LRRC47: variants seen among roughly 807,000 people sequenced by gnomAD.
LRRC47 encodes leucine rich repeat containing 47, also known as leucine-rich repeat-containing protein 47.
A neutral mutation model predicts 40.9 loss-of-function variants in LRRC47; 31 were observed. That is an observed-to-expected ratio of 0.76 (90% confidence interval 0.57 to 1.02). The LOEUF (loss-of-function observed/expected upper bound fraction) is 1.02. LRRC47 is among the 50% of genes least tolerant of loss of function. The pLI is 0.00. For synonymous variants in LRRC47, 427 were observed against 371.9 expected, an observed-to-expected ratio of 1.15 and a Z score of -1.70; for missense variants, 726 against 796.1, an observed-to-expected ratio of 0.91 and a Z score of 1.06.
intron 4 of LRRC47, chr1:3,783,073 C>A: frequency 3.5e-6 from 1 of 286,486 alleles, no homozygotes; most frequent in South Asian, 9.8e-5. Flanking sequence ...GATTAGCCAC[C>A]TCACTCCAGC....
chr1:3,795,542 AC>A (rs1643665316), intron 1 of LRRC47, among the ~76,000 whole-genome samples: 1 of 152,258 alleles, frequency 6.6e-6, no homozygotes, highest in Non-Finnish European at 1.5e-5. Flanking sequence ...ACAGGTCTCT[AC>A]GCTCGATCTA....
At chr1:3,785,359 TCCAAC>T (rs1354540594) in intron 2 of LRRC47, 156 bp from the exon 3 acceptor site, 2 of 396,228 alleles carry the variant, frequency 5.0e-6, no homozygotes, top group Non-Finnish European at 8.9e-6. Flanking sequence ...AGGGCTCCCC[TCCAAC>T]TCCTCTCCAC....
chr1:3,787,616 C>T (rs1643588689), intron 1 of LRRC47, among the ~76,000 whole-genome samples: 1 of 152,230 alleles, frequency 6.6e-6, no homozygotes, highest in Non-Finnish European at 1.5e-5. Flanking sequence ...AGCAGCCCTG[C>T]AGCTCAATCA....
At chr1:3,786,191 A>G (rs1643570629) in intron 2 of LRRC47, among the ~76,000 whole-genome samples, 1 of 152,182 alleles carries the variant, frequency 6.6e-6, no homozygotes, top group African/African-American at 2.4e-5. Context: ...TTCAACTGCA[A>G]TAAAGCTATC....
chr1:3,795,143 A>G (rs1643662118), intron 1 of LRRC47, among the ~76,000 whole-genome samples: 1 of 152,070 alleles, frequency 6.6e-6, no homozygotes, highest in Admixed American at 6.6e-5. Context: ...GGATGAAACC[A>G]AAAGAGAAGA....
At chr1:3,790,857 T>C (rs1330908901) in intron 1 of LRRC47, among the ~76,000 whole-genome samples, 1 of 149,550 alleles carries the variant, frequency 6.7e-6, no homozygotes, top group Non-Finnish European at 1.5e-5. Flanking sequence ...CCATTTGCAG[T>C]CTCGCCCCTC....
In LRRC47 at chr1:3,787,174, G is replaced by A. The variant is rs1364507411; in HGVS notation, c.752C>T (p.Thr251Ile). ...RLEKMVSGCQ[T>I]RSILEYLRVG... ...GCGCAGGTACTCCAGGATGGATCTG[G>A]TCTGGCAGCCGCTGACCATCTTCTC... Residue 251 changes from threonine to isoleucine, a missense_variant, in exon 2 of 7, where the codon ACC becomes ATC. Physicochemically the swap from Thr to Ile is moderately conservative, Grantham distance 89 (BLOSUM62 -1). Transcript: ENST00000378251. 4.3e-6 allele frequency: 7 copies of A among 1,613,850 alleles called. No homozygotes were observed. The highest frequency in any genetic ancestry group is 5.9e-6 in the Non-Finnish European group (7 of 1,180,040).
intron 2 of LRRC47, among the ~76,000 whole-genome samples, chr1:3,786,361 A>C (rs537336263): frequency 3.3e-5 from 5 of 152,122 alleles, no homozygotes; most frequent in Non-Finnish European, 7.3e-5. Context: ...TTAGCCAGAC[A>C]TGATGGTGAG....
rs1643534853 is a variant in LRRC47 at position 3,782,909 on chromosome 1, C to G, written c.1311-146G>C. Reference sequence around the variant, plus strand: ...CAGGAGTTGGCTGGGGTGTGCTGTGCCAATGGAGTGTCTACGCTAAGTCTG... The same window carrying G: ...CAGGAGTTGGCTGGGGTGTGCTGTGGCAATGGAGTGTCTACGCTAAGTCTG... On this transcript the variant is annotated intron_variant, in intron 4 of 6. Coordinates refer to ENST00000378251, the MANE Select transcript of LRRC47 (RefSeq NM_020710.3). The G allele has an allele frequency of 6.3e-6, 4 of 639,088 alleles. No individual in the cohort carries two copies. The East Asian group carries it at 1.1e-4, about 17-fold the overall frequency. The allele number at this position is 639,088 out of a possible 1,614,324, so 39.6% of individuals were successfully genotyped here.
chr1:3,796,003 G>A lies in LRRC47; in HGVS notation c.474C>T (p.Leu158=). ...AGTCTAGGCAATTGCCGGTGAGGTT[G>A]AGGCTCTGCAGGCGCGGGGCGCAGC... ...LARCAPRLQS[L]NLTGNCLDSF... The change falls in exon 1 of 7, where the codon CTC becomes CTT. Residue 158 remains leucine, a synonymous_variant. Coordinates refer to ENST00000378251, the MANE Select transcript of LRRC47 (RefSeq NM_020710.3). 6.4e-7 allele frequency: 1 copy of A among 1,563,608 alleles called. No individual in the cohort carries two copies.
chr1:3,784,533 G>C (rs1186450748), intron 3 of LRRC47, among the ~76,000 whole-genome samples: 1 of 151,546 alleles, frequency 6.6e-6, no homozygotes, highest in Non-Finnish European at 1.5e-5. Context: ...TCGGGACAGA[G>C]ACCAAAATTT....
At chr1:3,795,147 G>A (rs1643662146) in intron 1 of LRRC47, among the ~76,000 whole-genome samples, 1 of 151,290 alleles carries the variant, frequency 6.6e-6, no homozygotes, top group African/African-American at 2.4e-5. Flanking sequence ...GAAACCAAAA[G>A]AGAAGATGGA....
rs762574800 is a variant in LRRC47 at position 3,796,035 on chromosome 1, G to C, written c.442C>G (p.Leu148Val). ...TGCAGGCGCGGGGCGCAGCGCGCCA[G>C]GTCGGCTGGCAGCTCGCGCAGCCGG... is the stretch of plus-strand genomic sequence containing the variant. ...GNRLRELPAD[L>V]ARCAPRLQSL... The change falls in exon 1 of 7, where the codon CTG becomes GTG. Residue 148 changes from leucine (L) to valine (V), a missense_variant. Leu to Val is a conservative substitution (Grantham distance 32). Coordinates refer to ENST00000378251, the MANE Select transcript of LRRC47 (RefSeq NM_020710.3). 1 of 1,545,384 alleles carries C rather than the reference G, an allele frequency of 6.5e-7. No individual in the cohort carries two copies.
At chr1:3,793,436 C>G (rs747833088) in intron 1 of LRRC47, among the ~76,000 whole-genome samples, 1 of 152,174 alleles carries the variant, frequency 6.6e-6, no homozygotes, top group Non-Finnish European at 1.5e-5. Flanking sequence ...GCCAAGCTAA[C>G]TTTGGGAGAC....
At chr1:3,785,364 C>CGG (rs1231230842) in intron 2 of LRRC47, 161 bp from the exon 3 acceptor site, 1 of 384,226 alleles carries the variant, frequency 2.6e-6, no homozygotes, top group Non-Finnish European at 4.6e-6. Flanking sequence ...TCCCCTCCAA[C>CGG]TCCTCTCCAC....
At position 3,792,730 on chromosome 1, in the gene LRRC47, A is replaced by AT. The variant is rs374569559; in HGVS notation, c.615+3131dup. Among the ~76,000 whole-genome samples the AT allele has an allele frequency of 4.6e-4, 70 of 152,354 alleles. 1 individual carries two copies. Among genetic ancestry groups the AT allele is most frequent in the African/African-American group, 1.6e-3 (66 of 41,590 alleles). On this transcript the variant is annotated intron_variant, in intron 1 of 6. Coordinates refer to ENST00000378251, the MANE Select transcript of LRRC47 (RefSeq NM_020710.3). Reference sequence around the variant, plus strand: ...CGCCTTGGCCTCCTAAAGTGCTGGGATAACAAGCGTGGGCCTGGCCCACAA... The same window carrying AT: ...CGCCTTGGCCTCCTAAAGTGCTGGGATTAACAAGCGTGGGCCTGGCCCACAA...
In LRRC47 at chr1:3,784,119, G is replaced by A. The variant is rs1319347287; in HGVS notation, c.1195-8C>T. On this transcript the variant is annotated splice_polypyrimidine_tract_variant and splice_region_variant and intron_variant, in intron 3 of 6. Coordinates refer to ENST00000378251, the MANE Select transcript of LRRC47 (RefSeq NM_020710.3). The stretch of plus-strand genomic sequence containing the variant: ...CCGCCCCAAGGGGACAATCTATCGG[G>A]CAGAAACCCACAAACTCCACTAGGG... 4 of 1,601,170 alleles carry A rather than the reference G, an allele frequency of 2.5e-6. No individual in the cohort carries two copies. Among genetic ancestry groups the A allele is most frequent in the Non-Finnish European group, 3.4e-6 (4 of 1,173,810 alleles).
Position 3,786,896 on chromosome 1 carries a change from T to G in LRRC47, c.1030A>C (p.Met344Leu). Residue 344 changes from methionine (M) to leucine (L), a missense_variant, in exon 2 of 7, where the codon ATG becomes CTG. Transcript: ENST00000378251. The part of the protein sequence containing the change: ...PYIVGAVVRG[M>L]DLQPGNALKR... Reference sequence around the variant, plus strand: ...AGTGCATTCCCTGGCTGCAGGTCCATGCCTCGCACCACGGCCCCCACAATG... The same window carrying G: ...AGTGCATTCCCTGGCTGCAGGTCCAGGCCTCGCACCACGGCCCCCACAATG... 2 of 1,605,860 alleles carry G rather than the reference T, an allele frequency of 1.2e-6. No homozygotes were observed. The highest frequency in any genetic ancestry group is 1.7e-6 in the Non-Finnish European group (2 of 1,176,466).
Position 3,782,771 on chromosome 1 carries a change from G to A in LRRC47, c.1311-8C>T. 2 of 1,494,278 alleles carry A rather than the reference G, an allele frequency of 1.3e-6. No homozygotes were observed. The highest frequency in any genetic ancestry group is 1.9e-6 in the Non-Finnish European group (2 of 1,070,806). The allele number at this position is 1,494,278 out of a possible 1,614,324, so 92.6% of individuals were successfully genotyped here. On this transcript the variant is annotated splice_region_variant and splice_polypyrimidine_tract_variant and intron_variant, in intron 4 of 6. Transcript: ENST00000378251. Reference sequence around the variant, plus strand: ...TCCAGCAAGTGAAGGTATCTGTATGGGAAGAAATACAAATTCCAGGCATAA... The same window carrying A: ...TCCAGCAAGTGAAGGTATCTGTATGAGAAGAAATACAAATTCCAGGCATAA...
Sources: allele counts gnomAD v4.1 joint callset (sites outside exome capture counted in the v4.1 genomes callset), GRCh38; gene constraint gnomAD v4.1.1; transcripts MANE v1.5; gene names NCBI Gene and HGNC (gene_info 2026-07-23, HGNC 2026-07-21).